Variants in KMT2B observed in about 807,000 individuals in gnomAD.
KMT2B encodes histone-lysine N-methyltransferase 2B.
KMT2B carries 22 observed loss-of-function variants against 255.3 expected under a neutral mutation model. The ratio of observed to expected loss-of-function variants is 0.09; its 90% CI spans 0.06 to 0.12. The LOEUF is 0.12. Ranked by LOEUF, KMT2B falls within the 10% of genes least tolerant of loss-of-function variation. The pLI, the probability that KMT2B is intolerant of heterozygous loss-of-function variation, is 1.00. For synonymous variants in KMT2B, 1,730 were observed against 1,498.1 expected, an observed-to-expected ratio of 1.15 and a Z score of -3.57; for missense variants, 3,149 against 3,737.0, an observed-to-expected ratio of 0.84 and a Z score of 4.10.
rs893901048 is a variant in KMT2B at position 35,718,489 on chromosome 19, C to T, written c.363+108C>T. ...TGGGCAGGCCGGGTCCTCAGGGTTC[C>T]TTCGGAGAGACGGGGCACGGAGGGA... On this transcript the variant is annotated intron_variant, in intron 1 of 36. Transcript: ENST00000420124. This position sits in a 1 kb window ranked among gnomAD's most constrained non-coding sequence, Gnocchi z 5.0. 44 of 1,158,896 alleles carry T rather than the reference C, an allele frequency of 3.8e-5. No homozygotes were observed. The highest frequency in any genetic ancestry group is 4.4e-5 in the South Asian group (1 of 22,988). 71.8% of individuals were successfully genotyped at this position (1,158,896 alleles called of 1,614,324 possible). A position where few individuals can be genotyped will look rare whatever the true frequency, so the allele number is the denominator to read the frequency against.
chr19:35,721,440 G>T lies in KMT2B; in HGVS notation c.2093G>T (p.Arg698Leu). 6.2e-7 allele frequency: 1 copy of T among 1,612,034 alleles called. No individual in the cohort carries two copies. Among genetic ancestry groups the T allele is most frequent in the Non-Finnish European group, 8.5e-7 (1 of 1,179,708 alleles). ...GAGCCTGAGCCTCGGGCAGTGGGCC[G>T]CACCAACCACCTCAGCCTGCCTCGA... ...PAEPEPRAVG[R>L]TNHLSLPRFA... The change falls in exon 3 of 37, where the codon CGC becomes CTC. Residue 698 changes from arginine to leucine, a missense_variant. By Grantham distance (102) the Arg-to-Leu change is moderately radical (BLOSUM62 -2). Coordinates refer to ENST00000420124, the MANE Select transcript of KMT2B (RefSeq NM_014727.3).
Position 35,727,030 on chromosome 19 carries a change from G to A in KMT2B, c.4004-126G>A. ...GCCTCATCCTCAAGGAGCTTTTAGG[G>A]ACTAGTAGGGGCCCAAAACAGGGGC... On this transcript the variant is annotated intron_variant, in intron 14 of 36. Transcript: ENST00000420124. This position sits in a 1 kb window ranked among gnomAD's most constrained non-coding sequence, Gnocchi z 4.2. The A allele has an allele frequency of 6.7e-6, 4 of 601,196 alleles. No homozygotes were observed. In the South Asian group the frequency reaches 8.4e-5, roughly 13 times the overall value. 37.2% of individuals were successfully genotyped at this position (601,196 alleles called of 1,614,324 possible). A position where few individuals can be genotyped will look rare whatever the true frequency, so the allele number is the denominator to read the frequency against.
Position 35,720,441 on chromosome 19 carries a change from A to G in KMT2B, c.1094A>G (p.Glu365Gly). The change falls in exon 3 of 37, where the codon GAA becomes GGA. Residue 365 changes from glutamate (E) to glycine (G), a missense_variant. Coordinates refer to ENST00000420124, the MANE Select transcript of KMT2B (RefSeq NM_014727.3). ...CAGGAACAGAAGCTGGATGACGAGG[A>G]AGAAGAGAAGAAAGAAGAAGAAGAA... Reference protein sequence around the residue: ...KKQEQKLDDEEEEKKEEEEKD... With the variant: ...KKQEQKLDDEGEEKKEEEEKD... The G allele has an allele frequency of 1.3e-6, 2 of 1,553,280 alleles. No homozygotes were observed. The highest frequency in any genetic ancestry group is 2.4e-5 in the South Asian group (2 of 84,230).
rs748509261 is a variant in KMT2B at position 35,721,408 on chromosome 19, T to A, written c.2061T>A (p.Ser687=). The A allele has an allele frequency of 6.2e-7, 1 of 1,610,714 alleles. No individual in the cohort carries two copies. The highest frequency in any genetic ancestry group is 1.1e-5 in the South Asian group (1 of 90,688). ...PEPEPPPADD[S]PAEPEPRAVG... ...CAGAGCCTCCTCCTGCCGATGACTC[T>A]CCAGCTGAGCCTGAGCCTCGGGCAG... Residue 687 remains serine, a synonymous_variant, in exon 3 of 37, where the codon TCT becomes TCA. Transcript: ENST00000420124.
In KMT2B at chr19:35,725,794, G is replaced by A. The variant is rs777715037; in HGVS notation, c.3861G>A (p.Arg1287=). The A allele has an allele frequency of 4.4e-6, 7 of 1,590,086 alleles. No individual in the cohort carries two copies. The highest frequency in any genetic ancestry group is 6.0e-6 in the Non-Finnish European group (7 of 1,168,928). Reference sequence around the variant, plus strand: ...GTCTGGGGCCCAGCTATCCAACCCGGGCCACGCGCAAACGGCGCCACTGGG... The same window carrying A: ...GTCTGGGGCCCAGCTATCCAACCCGAGCCACGCGCAAACGGCGCCACTGGG... The part of the protein sequence containing the change: ...PACLGPSYPT[R]ATRKRRHWIC... The change falls in exon 13 of 37, where the codon CGG becomes CGA. Residue 1287 remains arginine, a synonymous_variant. Transcript: ENST00000420124. The surrounding 1 kb of genome is among the most constrained non-coding windows in gnomAD (Gnocchi z 4.1).
rs953781410 is a variant in KMT2B, at chr19:35,720,606, C to A, written c.1259C>A (p.Pro420His). The change falls in exon 3 of 37, where the codon CCT becomes CAT. Residue 420 changes from proline (P) to histidine (H), a missense_variant. Physicochemically the swap from Pro to His is moderately conservative, Grantham distance 77. This residue lies in a region of KMT2B where 1,188 missense variants were observed against 1,106.4 expected (regional missense o/e 1.07). Coordinates refer to ENST00000420124, the MANE Select transcript of KMT2B (RefSeq NM_014727.3). ...APSPPPPLPP[P>H]STSPPPPLCP... is the part of the protein sequence containing the mutation. The stretch of plus-strand genomic sequence containing the variant: ...TCACCTCCTCCACCCCTCCCACCCC[C>A]TTCGACATCTCCTCCACCCCCACTC... The A allele has an allele frequency of 1.3e-6, 2 of 1,492,752 alleles. No individual in the cohort carries two copies. Among genetic ancestry groups the A allele is most frequent in the South Asian group, 1.3e-5 (1 of 74,918 alleles). 92.5% of individuals were successfully genotyped at this position (1,492,752 alleles called of 1,614,324 possible).
chr19:35,736,461 T>C, intron 30 of KMT2B: 1 of 562,644 alleles, frequency 1.8e-6, no homozygotes, highest in East Asian at 3.0e-5. Context: ...GGAATGCTTT[T>C]GTACCCAAGA....
chr19:35,733,189 C>T lies in KMT2B; in HGVS notation c.6640C>T (p.Pro2214Ser). 6.5e-7 allele frequency: 1 copy of T among 1,544,848 alleles called. No individual in the cohort carries two copies. Among genetic ancestry groups the T allele is most frequent in the East Asian group, 2.4e-5 (1 of 41,330 alleles). The stretch of plus-strand genomic sequence containing the variant: ...TGGGGAGGGTGAACCTGTCCCACCC[C>T]CAGTGAAGCAGCCACCTTTGCCCCC... The part of the protein sequence containing the change: ...MAGEGEPVPP[P>S]VKQPPLPPTI... The change falls in exon 28 of 37, where the codon CCA becomes TCA. Residue 2214 changes from proline (P) to serine (S), a missense_variant. Pro to Ser is a moderately conservative substitution (Grantham distance 74, BLOSUM62 -1). Coordinates refer to ENST00000420124, the MANE Select transcript of KMT2B (RefSeq NM_014727.3). This position sits in a 1 kb window ranked among gnomAD's most constrained non-coding sequence, Gnocchi z 4.3.
In KMT2B at chr19:35,723,016, C is replaced by T. The variant is rs1382965447; in HGVS notation, c.2744C>T (p.Thr915Ile). ...ATAGATACATCATCGGCGTCCGAGACTGAGAGTGTCCCGTCACGGTCCCGG... is the reference window on the plus strand; with the variant it reads ...ATAGATACATCATCGGCGTCCGAGATTGAGAGTGTCCCGTCACGGTCCCGG... ...ATEDTSSASETESVPSRSRRG... is the reference protein window; with the variant it reads ...ATEDTSSASEIESVPSRSRRG... Residue 915 changes from threonine to isoleucine, a missense_variant, in exon 6 of 37, where the codon ACT (threonine) becomes ATT (isoleucine). Physicochemically the swap from Thr to Ile is moderately conservative, Grantham distance 89 (BLOSUM62 -1). Transcript: ENST00000420124. The surrounding 1 kb of genome is among the most constrained non-coding windows in gnomAD (Gnocchi z 7.5). 1.2e-6 allele frequency: 2 copies of T among 1,607,196 alleles called. No homozygotes were observed. Among genetic ancestry groups the T allele is most frequent in the South Asian group, 1.1e-5 (1 of 90,668 alleles).
At position 35,720,139 on chromosome 19, in the gene KMT2B, C is replaced by T; in HGVS notation, c.792C>T (p.Gly264=). ...TGGTTCCAGTGAAACATCAGACTGG[C>T]AGCTGGAAATGCAAGGAGGGGCCCG... ...PPVVPVKHQT[G]SWKCKEGPGP... is the part of the protein sequence containing the mutation. Residue 264 remains glycine (G), a synonymous_variant, in exon 3 of 37, where the codon GGC becomes GGT. Coordinates refer to ENST00000420124, the MANE Select transcript of KMT2B (RefSeq NM_014727.3). The T allele has an allele frequency of 6.3e-7, 1 of 1,599,382 alleles. No individual in the cohort carries two copies. The highest frequency in any genetic ancestry group is 2.3e-5 in the East Asian group (1 of 44,148).
chr19:35,732,970 C>A lies in KMT2B; in HGVS notation c.6421C>A (p.Pro2141Thr). The A allele has an allele frequency of 6.2e-7, 1 of 1,603,936 alleles. No homozygotes were observed. The highest frequency in any genetic ancestry group is 2.2e-5 in the East Asian group (1 of 44,528). Residue 2141 changes from proline (P) to threonine (T), a missense_variant, in exon 28 of 37, where the codon CCC becomes ACC. By Grantham distance (38) the Pro-to-Thr change is conservative. This residue lies in a region of KMT2B where 897 missense variants were observed against 825.3 expected (regional missense o/e 1.09). Coordinates refer to ENST00000420124, the MANE Select transcript of KMT2B (RefSeq NM_014727.3). ...PREESLPPAP[P>T]LANGSQPSQG... is the part of the protein sequence containing the mutation. The stretch of plus-strand genomic sequence containing the variant: ...AGAGGAGTCACTCCCCCCGGCGCCT[C>A]CCCTGGCTAATGGCAGCCAGCCCTC...
rs1969381271 is a variant in KMT2B at position 35,725,060 on chromosome 19, T to C, written c.3501T>C (p.Gly1167=). 6.2e-7 allele frequency: 1 copy of C among 1,613,742 alleles called. No homozygotes were observed. The highest frequency in any genetic ancestry group is 8.5e-7 in the Non-Finnish European group (1 of 1,179,710). The change falls in exon 10 of 37, where the codon GGT becomes GGC. Residue 1167 remains glycine, a synonymous_variant. Transcript: ENST00000420124. This position sits in a 1 kb window ranked among gnomAD's most constrained non-coding sequence, Gnocchi z 4.1. The part of the protein sequence containing the change: ...GWTGKQKSPD[G]VHRVRVDFKE... ...CTGGAAAGCAGAAGTCTCCCGATGG[T>C]GTGCACCGCGTCCGTGTGGATTTTA...
In KMT2B at chr19:35,724,021, A is replaced by C; in HGVS notation, c.3334+14A>C. The C allele has an allele frequency of 1.9e-6, 3 of 1,564,064 alleles. No individual in the cohort carries two copies. The highest frequency in any genetic ancestry group is 2.6e-6 in the Non-Finnish European group (3 of 1,154,086). ...CCCGAGAAAATGGTGCGAACTGCTT[A>C]ATGCTTTCTCTGTTGATCATTTATT... On this transcript the variant is annotated intron_variant, in intron 8 of 36. Transcript: ENST00000420124.
Position 35,737,268 on chromosome 19 carries a change from G to T in KMT2B, c.7550+5G>T. The T allele has an allele frequency of 6.7e-7, 1 of 1,498,896 alleles. No individual in the cohort carries two copies. The allele number at this position is 1,498,896 out of a possible 1,614,324, so 92.8% of individuals were successfully genotyped here. A position where few individuals can be genotyped will look rare whatever the true frequency, so the allele number is the denominator to read the frequency against. On this transcript the variant is annotated splice_donor_5th_base_variant and intron_variant, in intron 33 of 36. Transcript: ENST00000420124. The surrounding 1 kb of genome is among the most constrained non-coding windows in gnomAD (Gnocchi z 5.3). The stretch of plus-strand genomic sequence containing the variant: ...TCGGGCAGAGGTCTATCTCCGGTGA[G>T]AGGTCTGGGGTGTGATGCCTGGGTC...
In KMT2B at chr19:35,727,686, C is replaced by T. The variant is rs547847495; in HGVS notation, c.4303-12C>T. Reference sequence around the variant, plus strand: ...GCCCACCCCCAGCCCTGCTAACTTCCCCGCTTTGCAGTGTGGGCCAGATGG... The same window carrying T: ...GCCCACCCCCAGCCCTGCTAACTTCTCCGCTTTGCAGTGTGGGCCAGATGG... On this transcript the variant is annotated splice_polypyrimidine_tract_variant and intron_variant, in intron 16 of 36. Coordinates refer to ENST00000420124, the MANE Select transcript of KMT2B (RefSeq NM_014727.3). The surrounding 1 kb of genome is among the most constrained non-coding windows in gnomAD (Gnocchi z 4.2). 1.2e-6 allele frequency: 2 copies of T among 1,613,560 alleles called. No individual in the cohort carries two copies. Among genetic ancestry groups the T allele is most frequent in the South Asian group, 1.1e-5 (1 of 91,088 alleles).
chr19:35,722,392 G>A lies in KMT2B; in HGVS notation c.2491G>A (p.Gly831Arg), dbSNP rs746188688. 49 of 1,610,702 alleles carry A rather than the reference G, an allele frequency of 3.0e-5. No individual in the cohort carries two copies. The highest frequency in any genetic ancestry group is 4.4e-5 in the South Asian group (4 of 90,994). Reference sequence around the variant, plus strand: ...TGGAGGGCAGATGGAGGAGGTGGCCGGGGCTGTCAAGCAGATCTCCGACAG... The same window carrying A: ...TGGAGGGCAGATGGAGGAGGTGGCCAGGGCTGTCAAGCAGATCTCCGACAG... ...SPGGQMEEVAGAVKQISDRGP... is the reference protein window; with the variant it reads ...SPGGQMEEVARAVKQISDRGP... Residue 831 changes from glycine to arginine, a missense_variant, in exon 4 of 37, where the codon GGG (glycine) becomes AGG (arginine). Around this residue, in one of 18 missense-constraint regions of KMT2B, gnomAD observed 1,188 missense variants for 1,106.4 expected, o/e 1.07. Coordinates refer to ENST00000420124, the MANE Select transcript of KMT2B (RefSeq NM_014727.3).
rs754558144 is a variant in KMT2B, at chr19:35,719,533, C to T, written c.428C>T (p.Ser143Phe). ...AGTTCCCTGCGCTCTGCGCTCCGATCCCAGCGAGGTGAGTGACGGGGGAAC... is the reference window on the plus strand; with the variant it reads ...AGTTCCCTGCGCTCTGCGCTCCGATTCCAGCGAGGTGAGTGACGGGGGAAC... ...APSSLRSALR[S>F]QRGRAPRGRG... Residue 143 changes from serine (S) to phenylalanine (F), a missense_variant, in exon 2 of 37, where the codon TCC becomes TTC. This residue lies in a region of KMT2B where 1,188 missense variants were observed against 1,106.4 expected (regional missense o/e 1.07). Coordinates refer to ENST00000420124, the MANE Select transcript of KMT2B (RefSeq NM_014727.3). 2.5e-6 allele frequency: 4 copies of T among 1,589,158 alleles called. No individual in the cohort carries two copies. The highest frequency in any genetic ancestry group is 3.4e-6 in the Non-Finnish European group (4 of 1,167,862).
At position 35,720,511 on chromosome 19, in the gene KMT2B, G is replaced by A. The variant is rs768848521; in HGVS notation, c.1164G>A (p.Glu388=). The A allele has an allele frequency of 2.6e-6, 4 of 1,551,154 alleles. No homozygotes were observed. Among genetic ancestry groups the A allele is most frequent in the Non-Finnish European group, 3.5e-6 (4 of 1,146,816 alleles). The change falls in exon 3 of 37, where the codon GAG becomes GAA. Residue 388 remains glutamate, a synonymous_variant. Coordinates refer to ENST00000420124, the MANE Select transcript of KMT2B (RefSeq NM_014727.3). ...GEEKEERAVA[E]EMMPAAEKEE... ...AGAAGGAAGAAAGAGCTGTAGCTGAGGAGATGATGCCAGCTGCGGAAAAGG... is the reference window on the plus strand; with the variant it reads ...AGAAGGAAGAAAGAGCTGTAGCTGAAGAGATGATGCCAGCTGCGGAAAAGG...
Position 35,731,943 on chromosome 19 carries a change from G to C in KMT2B, c.5473G>C (p.Asp1825His), listed in dbSNP as rs771341051. The change falls in exon 27 of 37, where the codon GAT (aspartate) becomes CAT (histidine). Residue 1825 changes from aspartate (D) to histidine (H), a missense_variant. Asp to His is a moderately conservative substitution (Grantham distance 81, BLOSUM62 -1). This residue lies in a region of KMT2B where 897 missense variants were observed against 825.3 expected (regional missense o/e 1.09). Transcript: ENST00000420124. Reference sequence around the variant, plus strand: ...TGGTGAGGACCCCCCACTGGACACAGATGTTCTTGTCCCTGGAGCTCCTGA... The same window carrying C: ...TGGTGAGGACCCCCCACTGGACACACATGTTCTTGTCCCTGGAGCTCCTGA... ...PGGEDPPLDTDVLVPGAPERH... is the reference protein window; with the variant it reads ...PGGEDPPLDTHVLVPGAPERH... 3 of 1,613,796 alleles carry C rather than the reference G, an allele frequency of 1.9e-6. No homozygotes were observed. Among genetic ancestry groups the C allele is most frequent in the Non-Finnish European group, 1.7e-6 (2 of 1,179,788 alleles).
Sources: allele counts gnomAD v4.1 joint callset, GRCh38; gene constraint gnomAD v4.1.1; regional missense constraint gnomAD v4.1.1; non-coding constraint Gnocchi (gnomAD v3.1); transcripts MANE v1.5; gene names NCBI Gene and HGNC (gene_info 2026-07-23, HGNC 2026-07-21).